IP6K2: variants seen among roughly 807,000 people sequenced by gnomAD.
The protein encoded by IP6K2 is ATP:1D-myo-inositol-hexakisphosphate phosphotransferase.
In IP6K2, 9 loss-of-function variants were observed where a neutral mutation model predicts 43.3. The ratio of observed to expected loss-of-function variants is 0.21; its 90% CI spans 0.13 to 0.36. IP6K2 has a LOEUF of 0.36. Among genes scored for constraint, IP6K2 ranks in the 10% least tolerant of loss-of-function variants. The pLI, the probability that IP6K2 is intolerant of heterozygous loss-of-function variation, is 1.00. For synonymous variants in IP6K2, 209 were observed against 202.4 expected, an observed-to-expected ratio of 1.03 and a Z score of -0.28; for missense variants, 332 against 538.4, an observed-to-expected ratio of 0.62 and a Z score of 3.79.
At chr3:48,691,522 C>A in intron 3 of IP6K2, 40 bp from the exon 4 acceptor site, 1 of 1,494,390 alleles carries the variant, frequency 6.7e-7, no homozygotes, top group South Asian at 1.2e-5. Flanking sequence ...TATGTCTTAT[C>A]AGAATTCAGA....
At chr3:48,715,234 C>T in intron 1 of IP6K2, 1 of 1,417,586 alleles carries the variant, frequency 7.1e-7, no homozygotes, top group East Asian at 2.5e-5. Context: ...GATTATCCCA[C>T]TAGGTGAAAT....
chr3:48,697,910 G>T (rs559155642), intron 1 of IP6K2, among the ~76,000 whole-genome samples: 1 of 152,256 alleles, frequency 6.6e-6, no homozygotes, highest in South Asian at 2.1e-4. Flanking sequence ...CTTCCTTTTA[G>T]AGAGTACCCG....
Position 48,695,838 on chromosome 3 carries a change from T to A in IP6K2, c.-130-417A>T, listed in dbSNP as rs1434489464. Among the ~76,000 whole-genome samples the A allele has an allele frequency of 6.8e-6, 1 of 146,960 alleles. No individual in the cohort carries two copies. The highest frequency in any genetic ancestry group is 6.8e-5 in the Admixed American group (1 of 14,682). On this transcript the variant is annotated intron_variant, in intron 1 of 5. Transcript: ENST00000328631. This position sits in a 1 kb window ranked among gnomAD's most constrained non-coding sequence, Gnocchi z 4.6. ...TCCCATTAATTTTATATATTATATA[T>A]AATATATATTATATATATAAAATAA...
At chr3:48,697,488 ATTTTTTTTTTTT>A (rs35746542) in intron 1 of IP6K2, among the ~76,000 whole-genome samples, 9 of 64,328 alleles carry the variant, frequency 1.4e-4, no homozygotes, top group African/African-American at 5.3e-4. Flanking sequence ...ATGCCTGGCT[ATTTTTTTTTTTT>A]TTTTTTTTTT....
chr3:48,714,269 G>A (rs1426771048), intron 1 of IP6K2, among the ~76,000 whole-genome samples: 3 of 152,158 alleles, frequency 2.0e-5, no homozygotes, highest in African/African-American at 7.2e-5. Flanking sequence ...GTTTCACCAT[G>A]TTGGCCAGAC....
Position 48,695,857 on chromosome 3 carries a change from AAAAT to A in IP6K2, c.-130-440_-130-437del, listed in dbSNP as rs1405406203. On this transcript the variant is annotated intron_variant, in intron 1 of 5. Transcript: ENST00000328631. This position sits in a 1 kb window ranked among gnomAD's most constrained non-coding sequence, Gnocchi z 4.6. ...TATATATAATATATATTATATATAT[AAAAT>A]AAATATATATATATAATTTTTTAAT... Among the ~76,000 whole-genome samples, 2 of 147,320 alleles carry A rather than the reference AAAAT, an allele frequency of 1.4e-5. No individual in the cohort carries two copies. Among genetic ancestry groups the A allele is most frequent in the Non-Finnish European group, 3.0e-5 (2 of 67,052 alleles).
chr3:48,705,632 G>A (rs960661267), intron 1 of IP6K2, among the ~76,000 whole-genome samples: 89 of 149,842 alleles, frequency 5.9e-4, no homozygotes, highest in Non-Finnish European at 9.8e-4. Context: ...CAGCCTGGAT[G>A]ACAGAGCAGG....
Position 48,695,168 on chromosome 3 carries a change from T to A in IP6K2, c.124A>T (p.Lys42Ter). Residue 42 changes from lysine (K) to a stop codon, truncating the protein, a stop_gained, in exon 2 of 6, where the codon AAG becomes TAG. Coordinates refer to ENST00000328631, the MANE Select transcript of IP6K2 (RefSeq NM_016291.4). LOFTEE classifies it high-confidence loss of function. This position sits in a 1 kb window ranked among gnomAD's most constrained non-coding sequence, Gnocchi z 4.6. Reference sequence around the variant, plus strand: ...TGATGTTCCCTTGGGACCAGGGGCTTGCACAGGGTTGTCTCATTGAAGCGG... The same window carrying A: ...TGATGTTCCCTTGGGACCAGGGGCTAGCACAGGGTTGTCTCATTGAAGCGG... ...VLRFNETTLC[K>*]PLVPREHQFY... The A allele has an allele frequency of 6.2e-7, 1 of 1,604,570 alleles. No individual in the cohort carries two copies. The highest frequency in any genetic ancestry group is 8.5e-7 in the Non-Finnish European group (1 of 1,172,956).
At chr3:48,704,611 A>G (rs540733979) in intron 1 of IP6K2, among the ~76,000 whole-genome samples, 1 of 152,104 alleles carries the variant, frequency 6.6e-6, no homozygotes, top group South Asian at 2.1e-4. Flanking sequence ...TGGGACAGCT[A>G]TAGGCACACG....
chr3:48,716,332 T>C (rs1402642330), intron 1 of IP6K2: 1 of 152,244 alleles, frequency 6.6e-6, no homozygotes, highest in African/African-American at 2.4e-5. Context: ...GTGTACATTC[T>C]GCTACGGAAA....
At chr3:48,707,686 C>A (rs534588880) in intron 1 of IP6K2, among the ~76,000 whole-genome samples, 1 of 152,314 alleles carries the variant, frequency 6.6e-6, no homozygotes, top group African/African-American at 2.4e-5. Context: ...GATCCGCCCC[C>A]CTTGGCCTCC....
Position 48,695,370 on chromosome 3 carries a change from C to A in IP6K2, c.-79G>T. On this transcript the variant is annotated 5_prime_UTR_variant, in exon 2 of 6. Coordinates refer to ENST00000328631, the MANE Select transcript of IP6K2 (RefSeq NM_016291.4). This position sits in a 1 kb window ranked among gnomAD's most constrained non-coding sequence, Gnocchi z 4.6. ...GTACGTCTTCTGTCTGTTGTTTGTC[C>A]GTGTGTCCCTCTCGTCTTGGCTCCT... is the stretch of plus-strand genomic sequence containing the variant. The A allele has an allele frequency of 6.7e-7, 1 of 1,493,602 alleles. No individual in the cohort carries two copies. 92.5% of individuals were successfully genotyped at this position (1,493,602 alleles called of 1,614,324 possible).
At chr3:48,715,224 G>T (rs1478683350) in intron 1 of IP6K2, 1 of 1,354,348 alleles carries the variant, frequency 7.4e-7, no homozygotes, top group Non-Finnish European at 1.0e-6. Flanking sequence ...TGTTACCCAA[G>T]ATTATCCCAC....
chr3:48,708,813 C>T (rs1383362610), intron 1 of IP6K2, among the ~76,000 whole-genome samples: 1 of 152,184 alleles, frequency 6.6e-6, no homozygotes, highest in African/African-American at 2.4e-5. Flanking sequence ...GGCTCACACA[C>T]GTGTAATCCT....
In IP6K2 at chr3:48,688,443, G is replaced by C; in HGVS notation, c.1111C>G (p.Pro371Ala). ...DESAGAYAYK[P>A]IGASSVDVRM... ...ACATCTACAGAGCTGGCGCCGATGG[G>C]TTTGTAGGCATAGGCACCAGCAGAC... Residue 371 changes from proline to alanine, a missense_variant, in exon 6 of 6, where the codon CCC becomes GCC. Physicochemically the swap from Pro to Ala is conservative, Grantham distance 27 (BLOSUM62 -1). Coordinates refer to ENST00000328631, the MANE Select transcript of IP6K2 (RefSeq NM_016291.4). The surrounding 1 kb of genome is among the most constrained non-coding windows in gnomAD (Gnocchi z 5.1). 6.2e-7 allele frequency: 1 copy of C among 1,614,228 alleles called. No individual in the cohort carries two copies.
chr3:48,691,581 C>T (rs1312560270), intron 3 of IP6K2, 99 bp from the exon 4 acceptor site: 6 of 803,310 alleles, frequency 7.5e-6, no homozygotes, highest in African/African-American at 5.2e-5. Flanking sequence ...TTTGGGAGGC[C>T]GAGATGGGCA....
chr3:48,695,762 T>C lies in IP6K2; in HGVS notation c.-130-341A>G, dbSNP rs2078268598. 6.6e-6 allele frequency among the ~76,000 whole-genome samples: 1 copy of C among 151,446 alleles called. No individual in the cohort carries two copies. ...TCAAGCCTAATATTTGGATTAAATC[T>C]TACCATTTTCTAATAAGAGTGTCAA... On this transcript the variant is annotated intron_variant, in intron 1 of 5. Transcript: ENST00000328631. This position sits in a 1 kb window ranked among gnomAD's most constrained non-coding sequence, Gnocchi z 4.6.
intron 1 of IP6K2, among the ~76,000 whole-genome samples, chr3:48,702,296 C>A (rs1432998709): frequency 6.6e-6 from 1 of 152,186 alleles, no homozygotes. Context: ...CCCAATTATA[C>A]TGGCTTCCTT....
intron 1 of IP6K2, among the ~76,000 whole-genome samples, chr3:48,712,820 C>T (rs919792033): frequency 4.6e-5 from 7 of 151,950 alleles, no homozygotes; most frequent in African/African-American, 1.7e-4. Context: ...AGTTCGAGAC[C>T]AGCCTGGACA....
Sources: gnomAD v4.1 joint callset for allele counts (sites outside exome capture counted in the v4.1 genomes callset) on GRCh38, gnomAD v4.1.1 for gene constraint, Gnocchi (gnomAD v3.1) non-coding constraint, MANE v1.5 for transcripts, NCBI Gene and HGNC (gene_info 2026-07-23, HGNC 2026-07-21) for gene names.